MAN1C1: variants seen among roughly 807,000 people sequenced by gnomAD.
MAN1C1 encodes the protein mannosyl-oligosaccharide 1,2-alpha-mannosidase IC.
Under a neutral mutation model 71.5 loss-of-function variants are expected in MAN1C1, and 49 were observed. That is an observed-to-expected ratio of 0.69 (90% CI 0.54 to 0.87). MAN1C1 has a LOEUF of 0.87. Ranked by LOEUF, MAN1C1 falls within the 40% of genes least tolerant of loss-of-function variation. The pLI is 0.00. For missense variants in MAN1C1, 743 were observed against 835.0 expected, an observed-to-expected ratio of 0.89 and a Z score of 1.36; for synonymous variants, 352 against 343.7, an observed-to-expected ratio of 1.02 and a Z score of -0.27.
intron 2 of MAN1C1, among the ~76,000 whole-genome samples, chr1:25,739,067 A>G (rs1373496752): frequency 1.3e-5 from 2 of 152,194 alleles, no homozygotes; most frequent in African/African-American, 2.4e-5. Flanking sequence ...CGGGAGTTCA[A>G]GGATGCAGTA....
intron 1 of MAN1C1, among the ~76,000 whole-genome samples, chr1:25,636,924 G>T (rs1469178252): frequency 6.6e-6 from 1 of 152,176 alleles, no homozygotes; most frequent in Non-Finnish European, 1.5e-5. Flanking sequence ...GGAGGCCGAG[G>T]CAGGTGGATC....
chr1:25,667,127 G>C (rs1305028846), intron 1 of MAN1C1, among the ~76,000 whole-genome samples: 1 of 152,172 alleles, frequency 6.6e-6, no homozygotes, highest in Non-Finnish European at 1.5e-5. Context: ...AGGGAGGTAG[G>C]AGGAGAGAGC....
intron 2 of MAN1C1, among the ~76,000 whole-genome samples, chr1:25,721,631 T>A (rs1380529750): frequency 6.6e-6 from 1 of 152,252 alleles, no homozygotes; most frequent in Admixed American, 6.5e-5. Flanking sequence ...CCTACAACCT[T>A]GCTGAACTCA....
chr1:25,708,659 C>G (rs200521522), intron 2 of MAN1C1, among the ~76,000 whole-genome samples: 1 of 152,058 alleles, frequency 6.6e-6, no homozygotes, highest in Non-Finnish European at 1.5e-5. Context: ...CCGAGGCAGG[C>G]GGATCACCTG....
chr1:25,749,542 G>C (rs2047186407), intron 4 of MAN1C1, among the ~76,000 whole-genome samples: 1 of 152,146 alleles, frequency 6.6e-6, no homozygotes, highest in Non-Finnish European at 1.5e-5. Context: ...CTCATCATGG[G>C]CATGTTGCTC....
rs1344279956 is a variant in MAN1C1, at chr1:25,779,149, C to G, written c.1477+825C>G. Among the ~76,000 whole-genome samples the G allele has an allele frequency of 1.3e-5, 2 of 152,156 alleles. No homozygotes were observed. The highest frequency in any genetic ancestry group is 2.9e-5 in the Non-Finnish European group (2 of 68,026). On this transcript the variant is annotated intron_variant, in intron 9 of 11. Transcript: ENST00000374332. The surrounding 1 kb of genome is among the most constrained non-coding windows in gnomAD (Gnocchi z 4.6). ...TCCCAGTGTTGGTTGGAGGGGACGACCCAAGATTTGCAGTAAAAATCCCAG... is the reference window on the plus strand; with the variant it reads ...TCCCAGTGTTGGTTGGAGGGGACGAGCCAAGATTTGCAGTAAAAATCCCAG...
intron 2 of MAN1C1, among the ~76,000 whole-genome samples, chr1:25,691,614 T>TTTGA (rs1434904058): frequency 6.6e-6 from 1 of 152,212 alleles, no homozygotes; most frequent in East Asian, 1.9e-4. Context: ...CTGCTCCCAT[T>TTTGA]TTGATTGGGG....
In MAN1C1 at chr1:25,758,568, C is replaced by T. The variant is rs547264837; in HGVS notation, c.930-24C>T. Reference sequence around the variant, plus strand: ...GCCAGCCTGGCCAAAGGGGGGATGACGGGGGCTGCTTCTGTCTTTTCAGTG... The same window carrying T: ...GCCAGCCTGGCCAAAGGGGGGATGATGGGGGCTGCTTCTGTCTTTTCAGTG... On this transcript the variant is annotated intron_variant, in intron 5 of 11. Transcript: ENST00000374332. 168 of 1,609,098 alleles carry T rather than the reference C, an allele frequency of 1.0e-4. No individual in the cohort carries two copies. The South Asian group carries it at 1.6e-3, about 15-fold the overall frequency.
intron 8 of MAN1C1, chr1:25,772,014 G>A (rs746959426): frequency 1.4e-4 from 66 of 481,122 alleles, no homozygotes; most frequent in Non-Finnish European, 2.2e-4. Flanking sequence ...AGCTCTGGGA[G>A]GTGAAGTCAT....
chr1:25,684,770 G>A (rs925689697), intron 1 of MAN1C1, among the ~76,000 whole-genome samples: 26 of 152,342 alleles, frequency 1.7e-4, no homozygotes, highest in African/African-American at 5.5e-4. Flanking sequence ...CCGCTAAGGC[G>A]GGAAACACAG....
intron 1 of MAN1C1, among the ~76,000 whole-genome samples, chr1:25,678,467 G>A (rs1376402322): frequency 2.0e-5 from 3 of 152,108 alleles, no homozygotes; most frequent in Admixed American, 6.6e-5. Context: ...TCTCAAAATC[G>A]TTAAACAGTT....
intron 1 of MAN1C1, among the ~76,000 whole-genome samples, chr1:25,668,557 T>TTCTTTCTTTTTTTTTTTTTTGAGAC (rs1345465737): frequency 7.7e-5 from 11 of 143,166 alleles, no homozygotes; most frequent in African/African-American, 3.2e-4. Flanking sequence ...TTTTCTTTCT[T>TTCTTTCTTTTTTTTTTTTTTGAGAC]TCTTTTTTTT....
intron 5 of MAN1C1, among the ~76,000 whole-genome samples, chr1:25,756,832 T>C (rs2047292870): frequency 6.6e-6 from 1 of 152,160 alleles, no homozygotes; most frequent in Non-Finnish European, 1.5e-5. Context: ...TCAATGAAAG[T>C]AGTGATGCAA....
intron 2 of MAN1C1, among the ~76,000 whole-genome samples, chr1:25,721,876 T>A (rs2046770561): frequency 6.6e-6 from 1 of 152,232 alleles, no homozygotes. Flanking sequence ...AAGTGTGATG[T>A]GAGCTGTGAA....
chr1:25,683,786 C>T (rs978817913), intron 1 of MAN1C1, among the ~76,000 whole-genome samples: 1 of 152,104 alleles, frequency 6.6e-6, no homozygotes, highest in African/African-American at 2.4e-5. Context: ...GGAGGCTGTC[C>T]CCTTCATCCC....
At chr1:25,667,504 A>T (rs2045940222) in intron 1 of MAN1C1, among the ~76,000 whole-genome samples, 1 of 150,458 alleles carries the variant, frequency 6.6e-6, no homozygotes, top group Non-Finnish European at 1.5e-5. Flanking sequence ...AAAAAAAAAA[A>T]GCAATTCAAA....
At chr1:25,657,046 C>T (rs990487797) in intron 1 of MAN1C1, among the ~76,000 whole-genome samples, 41 of 152,122 alleles carry the variant, frequency 2.7e-4, no homozygotes, top group Non-Finnish European at 4.7e-4. Flanking sequence ...AGGATGGTCT[C>T]GATCTCCTGA....
intron 1 of MAN1C1, among the ~76,000 whole-genome samples, chr1:25,648,075 G>A (rs1293371004): frequency 2.6e-5 from 4 of 152,198 alleles, no homozygotes; most frequent in Non-Finnish European, 4.4e-5. Context: ...TGGGAGCCCC[G>A]CCTGCATCTG....
At chr1:25,668,266 C>T (rs1408604316) in intron 1 of MAN1C1, among the ~76,000 whole-genome samples, 1 of 152,020 alleles carries the variant, frequency 6.6e-6, no homozygotes, top group African/African-American at 2.4e-5. Flanking sequence ...CAGTTATCCC[C>T]CACCCCCTTA....
Sources: allele counts gnomAD v4.1 joint callset (sites outside exome capture counted in the v4.1 genomes callset), GRCh38; gene constraint gnomAD v4.1.1; non-coding constraint Gnocchi (gnomAD v3.1); transcripts MANE v1.5; gene names NCBI Gene and HGNC (gene_info 2026-07-23, HGNC 2026-07-21).